Variants in PCDH15 observed in about 807,000 individuals in gnomAD.
The protein encoded by PCDH15 is protocadherin related 15.
In PCDH15, 129 loss-of-function variants were observed where a neutral mutation model predicts 178.5. The observed-to-expected ratio is 0.72, with a 90% CI of 0.63 to 0.84. The LOEUF is 0.84. PCDH15 is among the 40% of genes least tolerant of loss of function. The pLI, the probability that PCDH15 is intolerant of heterozygous loss-of-function variation, is 0.00. For missense variants in PCDH15, 2,230 were observed against 2,099.9 expected (o/e 1.06, Z -1.21); for synonymous variants, 800 against 732.0 (o/e 1.09, Z -1.50).
At chr10:54,500,675 C>A (rs544618551) in intron 3 of PCDH15, among the ~76,000 whole-genome samples, 5 of 151,870 alleles carry the variant, frequency 3.3e-5, no homozygotes, top group Non-Finnish European at 7.4e-5. Context: ...ACTGAAAATA[C>A]AAAAATTAGC....
intron 3 of PCDH15, among the ~76,000 whole-genome samples, chr10:54,435,110 A>G (rs1283168244): frequency 6.6e-6 from 1 of 152,132 alleles, no homozygotes; most frequent in East Asian, 1.9e-4. Context: ...CAGAATTACA[A>G]TCTTTACCAT....
chr10:54,206,809 G>A (rs1284572111), intron 10 of PCDH15, among the ~76,000 whole-genome samples: 1 of 151,920 alleles, frequency 6.6e-6, no homozygotes, highest in African/African-American at 2.4e-5. Flanking sequence ...TATTTCTATG[G>A]AACCAAGAAA....
chr10:55,581,449 A>G (rs1589153687), intron 2 of PCDH15, among the ~76,000 whole-genome samples: 11 of 151,142 alleles, frequency 7.3e-5, no homozygotes, highest in Admixed American at 6.6e-4. Flanking sequence ...ATGCATTTCA[A>G]CTGCTGACTA....
At chr10:54,131,835 G>A (rs1282133153) in intron 15 of PCDH15, among the ~76,000 whole-genome samples, 7 of 152,154 alleles carry the variant, frequency 4.6e-5, no homozygotes, top group Non-Finnish European at 1.0e-4. Flanking sequence ...AAATAAGATT[G>A]ATGTGTTATT....
At chr10:55,542,093 G>C (rs1841772764) in intron 2 of PCDH15, among the ~76,000 whole-genome samples, 1 of 151,400 alleles carries the variant, frequency 6.6e-6, no homozygotes, top group South Asian at 2.1e-4. Flanking sequence ...GACAAATATG[G>C]AAGTACCTCT....
At chr10:54,734,743 T>C (rs562696005) in intron 1 of PCDH15, among the ~76,000 whole-genome samples, 2 of 152,108 alleles carry the variant, frequency 1.3e-5, no homozygotes, top group East Asian at 3.9e-4. Flanking sequence ...AACCAACTAT[T>C]GATACCTACA....
intron 1 of PCDH15, among the ~76,000 whole-genome samples, chr10:55,293,292 TG>T (rs138630727): frequency 0.033 from 5,060 of 152,262 alleles, 111 homozygotes; most frequent in Middle Eastern, 0.095. Context: ...ATGCTGGGCC[TG>T]GCTTACAAAA....
intron 2 of PCDH15, among the ~76,000 whole-genome samples, chr10:54,653,445 ATTTT>A (rs2094307998): frequency 6.6e-6 from 1 of 152,186 alleles, no homozygotes; most frequent in Non-Finnish European, 1.5e-5. Context: ...GAAGGTGTGT[ATTTT>A]TAACCACCAC....
At chr10:54,830,095 T>C (rs2133750171) in intron 3 of PCDH15, among the ~76,000 whole-genome samples, 1 of 152,266 alleles carries the variant, frequency 6.6e-6, no homozygotes, top group African/African-American at 2.4e-5. Context: ...TTCTAAATTA[T>C]AATAACACTT....
intron 3 of PCDH15, among the ~76,000 whole-genome samples, chr10:54,884,214 T>A (rs1392350284): frequency 6.6e-6 from 1 of 152,018 alleles, no homozygotes; most frequent in Non-Finnish European, 1.5e-5. Flanking sequence ...TAATCTTATA[T>A]CTATAAAATT....
intron 2 of PCDH15, among the ~76,000 whole-genome samples, chr10:54,542,772 T>C (rs1019857260): frequency 1.3e-5 from 2 of 151,132 alleles, no homozygotes; most frequent in African/African-American, 4.9e-5. Flanking sequence ...AAGTGCTGAG[T>C]GGAGAAGGGC....
At chr10:55,259,119 A>T (rs1417563092) in intron 1 of PCDH15, among the ~76,000 whole-genome samples, 1 of 152,128 alleles carries the variant, frequency 6.6e-6, no homozygotes, top group African/African-American at 2.4e-5. Flanking sequence ...TTGTCTCACT[A>T]ATCAGCTTTC....
intron 8 of PCDH15, among the ~76,000 whole-genome samples, chr10:54,264,167 A>T (rs1306617680): frequency 6.6e-6 from 1 of 152,060 alleles, no homozygotes; most frequent in African/African-American, 2.4e-5. Flanking sequence ...GTGGGACTTT[A>T]ACTTGTGATT....
chr10:54,285,051 A>T (rs996058213), intron 8 of PCDH15, among the ~76,000 whole-genome samples: 1 of 152,202 alleles, frequency 6.6e-6, no homozygotes, highest in African/African-American at 2.4e-5. Context: ...AACTCAATAA[A>T]ATTTAAACCA....
intron 25 of PCDH15, among the ~76,000 whole-genome samples, chr10:53,917,066 T>C (rs1033176760): frequency 6.6e-6 from 1 of 152,152 alleles, no homozygotes; most frequent in Non-Finnish European, 1.5e-5. Context: ...AAAATACATA[T>C]TTTTAGTGCA....
At chr10:55,196,600 C>T (rs1420055867) in intron 1 of PCDH15, among the ~76,000 whole-genome samples, 1 of 152,072 alleles carries the variant, frequency 6.6e-6, no homozygotes, top group Non-Finnish European at 1.5e-5. Context: ...CACACACAAT[C>T]TCTAATTATA....
chr10:54,423,886 T>C (rs1955877394), intron 3 of PCDH15, among the ~76,000 whole-genome samples: 1 of 151,846 alleles, frequency 6.6e-6, no homozygotes, highest in East Asian at 1.9e-4. Flanking sequence ...AAGACTTAAA[T>C]GTTAGACCTA....
At chr10:55,257,072 C>G (rs1320778347) in intron 1 of PCDH15, among the ~76,000 whole-genome samples, 1 of 152,162 alleles carries the variant, frequency 6.6e-6, no homozygotes, top group Non-Finnish European at 1.5e-5. Context: ...TCACCAATAT[C>G]CACTGTTCTG....
Position 54,908,432 on chromosome 10 carries a change from T to G in PCDH15, c.-79-10932A>C, listed in dbSNP as rs116804784. Among the ~76,000 whole-genome samples, 1,017 of 152,222 alleles carry G rather than the reference T, an allele frequency of 6.7e-3. 10 individuals are homozygous for G. Among genetic ancestry groups the G allele is most frequent in the African/African-American group, 0.022 (914 of 41,546 alleles). On this transcript the variant is annotated intron_variant, in intron 2 of 5. Transcript: ENST00000458638. ...ACACCAGGAACTGCAGAGCCCTAAA[T>G]AGGCTGTCACAGCCCTGGCCTGGGG...
Sources: allele counts gnomAD v4.1 joint callset (sites outside exome capture counted in the v4.1 genomes callset), GRCh38; gene constraint gnomAD v4.1.1; transcripts MANE v1.5; gene names NCBI Gene and HGNC (gene_info 2026-07-23, HGNC 2026-07-21).